The following PLCB1 variants were observed in gnomAD, a reference collection of about 807,000 sequenced individuals.
The protein encoded by PLCB1 is phospholipase C beta 1.
In PLCB1, 46 loss-of-function variants were observed where a neutral mutation model predicts 161.8. The ratio of observed to expected loss-of-function variants is 0.28; its 90% CI spans 0.22 to 0.36. The LOEUF (loss-of-function observed/expected upper bound fraction) is 0.36, where lower values mean the gene tolerates loss of function less well. Among genes scored for constraint, PLCB1 ranks in the 10% least tolerant of loss-of-function variants. The pLI is 1.00. For missense variants in PLCB1, 1,016 were observed against 1,472.5 expected, an observed-to-expected ratio of 0.69 and a Z score of 5.07; for synonymous variants, 517 against 503.7, an observed-to-expected ratio of 1.03 and a Z score of -0.35.
At chr20:8,819,766 A>G (rs1985248384) in intron 31 of PLCB1, among the ~76,000 whole-genome samples, 1 of 152,164 alleles carries the variant, frequency 6.6e-6, no homozygotes, top group South Asian at 2.1e-4. Context: ...TACTTCCACC[A>G]ACAGTTTACA....
At chr20:8,780,041 T>C (rs1983135954) in intron 27 of PLCB1, among the ~76,000 whole-genome samples, 1 of 152,190 alleles carries the variant, frequency 6.6e-6, no homozygotes. Context: ...AAACCCCAGG[T>C]AAGGACTTTT....
intron 23 of PLCB1, among the ~76,000 whole-genome samples, chr20:8,747,998 GAC>G (rs1981258446): frequency 6.6e-6 from 1 of 151,992 alleles, no homozygotes; most frequent in Admixed American, 6.6e-5. Context: ...ATAAGAACTT[GAC>G]ACTAAAATCA....
intron 2 of PLCB1, among the ~76,000 whole-genome samples, chr20:8,195,826 A>C (rs1464322709): frequency 6.6e-6 from 1 of 152,046 alleles, no homozygotes. Flanking sequence ...ATGTTTTCTC[A>C]TGATTATATT....
At chr20:8,426,788 G>A (rs977954460) in intron 3 of PLCB1, among the ~76,000 whole-genome samples, 1 of 152,046 alleles carries the variant, frequency 6.6e-6, no homozygotes, top group Non-Finnish European at 1.5e-5. Context: ...TCATAACATC[G>A]TGTCATAAAC....
At chr20:8,692,708 T>C (rs1024412048) in intron 10 of PLCB1, among the ~76,000 whole-genome samples, 2 of 152,146 alleles carry the variant, frequency 1.3e-5, no homozygotes, top group African/African-American at 4.8e-5. Context: ...TTTGGTCTCC[T>C]TATGGTTTCA....
At chr20:8,145,484 C>T (rs2051444520) in intron 1 of PLCB1, among the ~76,000 whole-genome samples, 1 of 152,210 alleles carries the variant, frequency 6.6e-6, no homozygotes, top group African/African-American at 2.4e-5. Context: ...AAGCGTAGCT[C>T]AGAGGGTAGC....
chr20:8,839,330 A>G (rs1254408387), intron 31 of PLCB1, among the ~76,000 whole-genome samples: 1 of 152,158 alleles, frequency 6.6e-6, no homozygotes, highest in Admixed American at 6.5e-5. Context: ...CAATTTTTGG[A>G]GGCAATATAT....
intron 2 of PLCB1, among the ~76,000 whole-genome samples, chr20:8,277,947 T>C (rs761390165): frequency 6.6e-6 from 1 of 152,058 alleles, no homozygotes; most frequent in Non-Finnish European, 1.5e-5. Context: ...GGCATATCTA[T>C]CAAAAGTGTA....
intron 27 of PLCB1, among the ~76,000 whole-genome samples, chr20:8,781,407 CACACACACAA>C (rs759057640): frequency 0.07 from 1,783 of 25,384 alleles, 13 homozygotes; most frequent in Non-Finnish European, 0.11. Flanking sequence ...AACACACACA[CACACACACAA>C]ACACACACAC....
At chr20:8,533,806 T>C (rs1984929821) in intron 3 of PLCB1, among the ~76,000 whole-genome samples, 1 of 152,086 alleles carries the variant, frequency 6.6e-6, no homozygotes, top group South Asian at 2.1e-4. Context: ...TTCTCCCATT[T>C]TGTAGGTTGC....
chr20:8,848,848 A>C (rs1986787592), intron 31 of PLCB1, among the ~76,000 whole-genome samples: 1 of 152,256 alleles, frequency 6.6e-6, no homozygotes, highest in East Asian at 1.9e-4. Context: ...AACTCTGCAG[A>C]AGGATCAGAG....
At chr20:8,782,328 G>A (rs1456623820) in intron 27 of PLCB1, among the ~76,000 whole-genome samples, 2 of 152,104 alleles carry the variant, frequency 1.3e-5, no homozygotes, top group African/African-American at 4.8e-5. Context: ...GCACATAGTA[G>A]GTAAATATTC....
At chr20:8,281,012 T>G (rs936996087) in intron 2 of PLCB1, among the ~76,000 whole-genome samples, 1 of 152,242 alleles carries the variant, frequency 6.6e-6, no homozygotes, top group Non-Finnish European at 1.5e-5. Context: ...GCCTTCTGGA[T>G]AGCTAGTTCT....
chr20:8,420,601 C>T (rs534544099), intron 3 of PLCB1, among the ~76,000 whole-genome samples: 189 of 152,258 alleles, frequency 1.2e-3, no homozygotes, highest in Non-Finnish European at 2.2e-3. Context: ...ATGTTTAGCT[C>T]CCACTCATAA....
At chr20:8,786,687 TTTTG>T (rs1382068879) in intron 27 of PLCB1, among the ~76,000 whole-genome samples, 3 of 140,072 alleles carry the variant, frequency 2.1e-5, no homozygotes, top group African/African-American at 7.6e-5. Context: ...TGTGAATCTT[TTTTG>T]TTTTTTTTTT....
chr20:8,695,292 A>G (rs1419525394), intron 10 of PLCB1, among the ~76,000 whole-genome samples: 1 of 152,224 alleles, frequency 6.6e-6, no homozygotes, highest in Non-Finnish European at 1.5e-5. Flanking sequence ...AAATTAAGCT[A>G]GTAGGCTTAA....
chr20:8,707,442 T>G (rs1978750187), intron 11 of PLCB1, among the ~76,000 whole-genome samples: 1 of 151,732 alleles, frequency 6.6e-6, no homozygotes, highest in African/African-American at 2.4e-5. Context: ...CTGAAAGTGA[T>G]ATAATTAAAC....
Position 8,658,428 on chromosome 20 carries a change from T to C in PLCB1, c.696-110T>C, listed in dbSNP as rs1989526120. 3.8e-6 allele frequency: 3 copies of C among 794,858 alleles called. No individual in the cohort carries two copies. In the South Asian group the frequency reaches 5.5e-5, roughly 15 times the overall value. 49.2% of individuals were successfully genotyped at this position (794,858 alleles called of 1,614,324 possible). On this transcript the variant is annotated intron_variant, in intron 8 of 31. Coordinates refer to ENST00000338037, the MANE Select transcript of PLCB1 (RefSeq NM_015192.4). ...TCAGGGCAAGATAGGAGTTTCAATA[T>C]AGCATTTTCTTATCAAGTATAAGAT...
chr20:8,629,988 TTCTTTCTTTCTTTCTTTCTTTC>T (rs1988525236), intron 4 of PLCB1, among the ~76,000 whole-genome samples: 4 of 124,356 alleles, frequency 3.2e-5, no homozygotes, highest in African/African-American at 1.0e-4. Flanking sequence ...CTTTCTTTCT[TTCTTTCTTTCTTTCTTTCTTTC>T]TCTTTCTTCT....
Sources: gnomAD v4.1 joint callset for allele counts (sites outside exome capture counted in the v4.1 genomes callset) on GRCh38, gnomAD v4.1.1 for gene constraint, MANE v1.5 for transcripts, NCBI Gene and HGNC (gene_info 2026-07-23, HGNC 2026-07-21) for gene names.